The following ABLIM2 variants were observed in gnomAD, a reference collection of about 807,000 sequenced individuals.
ABLIM2 encodes actin-binding LIM protein 2.
Under a neutral mutation model 97.7 loss-of-function variants are expected in ABLIM2, and 53 were observed. The ratio of observed to expected loss-of-function variants is 0.54; its 90% confidence interval spans 0.44 to 0.68. The LOEUF (loss-of-function observed/expected upper bound fraction) is 0.68, where lower values mean the gene tolerates loss of function less well. Among genes scored for constraint, ABLIM2 ranks in the 30% least tolerant of loss-of-function variants. The pLI is 0.00. For missense variants in ABLIM2, 835 were observed against 867.2 expected (o/e 0.96, Z 0.47); for synonymous variants, 361 against 345.8 (o/e 1.04, Z -0.49).
At position 8,155,550 on chromosome 4, in the gene ABLIM2, G is replaced by A. The variant is rs1011988798; in HGVS notation, c.10+3130C>T. ...AGAAGGCTGAGCCAGCCACAAGGCC[G>A]CCCTTGGCCCCGCACCCCTGTTATG... On this transcript the variant is annotated intron_variant, in intron 1 of 20. Transcript: ENST00000447017. This position sits in a 1 kb window ranked among gnomAD's most constrained non-coding sequence, Gnocchi z 4.2. Among the ~76,000 whole-genome samples, 2 of 152,176 alleles carry A rather than the reference G, an allele frequency of 1.3e-5. No individual in the cohort carries two copies. The highest frequency in any genetic ancestry group is 4.8e-5 in the African/African-American group (2 of 41,430).
intron 16 of ABLIM2, among the ~76,000 whole-genome samples, chr4:8,000,846 T>A (rs1756660320): frequency 6.6e-6 from 1 of 152,144 alleles, no homozygotes; most frequent in Non-Finnish European, 1.5e-5. Flanking sequence ...GACAGATCTG[T>A]GATCCAGGGC....
Position 8,025,116 on chromosome 4 carries a change from C to T in ABLIM2, c.1267+2643G>A, listed in dbSNP as rs189776584. Among the ~76,000 whole-genome samples the T allele has an allele frequency of 1.6e-4, 24 of 152,178 alleles. No individual in the cohort carries two copies. In the East Asian group the frequency reaches 3.9e-3, roughly 25 times the overall value. On this transcript the variant is annotated intron_variant, in intron 12 of 20. Coordinates refer to ENST00000447017, the MANE Select transcript of ABLIM2 (RefSeq NM_001130083.2). ...CTAATTTTTGTATTTTTAGTAGAGA[C>T]GTGGTTTCACCATGTTGGCCAGGCT...
intron 20 of ABLIM2, among the ~76,000 whole-genome samples, chr4:7,982,638 G>T (rs1739632000): frequency 6.6e-6 from 1 of 152,104 alleles, no homozygotes; most frequent in African/African-American, 2.4e-5. Flanking sequence ...AGTGTGGTCG[G>T]GTGGGAAGCT....
chr4:8,097,756 T>C (rs1832477080), intron 2 of ABLIM2, among the ~76,000 whole-genome samples: 1 of 152,132 alleles, frequency 6.6e-6, no homozygotes, highest in East Asian at 1.9e-4. Flanking sequence ...GACCAGGTCC[T>C]TGTGGTCGGT....
In ABLIM2 at chr4:8,148,423, G is replaced by A. The variant is rs1429699603; in HGVS notation, c.10+10257C>T. Among the ~76,000 whole-genome samples, 4 of 152,234 alleles carry A rather than the reference G, an allele frequency of 2.6e-5. No individual in the cohort carries two copies. The highest frequency in any genetic ancestry group is 1.3e-4 in the Admixed American group (2 of 15,302). The stretch of plus-strand genomic sequence containing the variant: ...GAGGGAGCCGCTCAGGACGCGGGGG[G>A]GCCATGGCGCACCACAGTTAGGAGT... On this transcript the variant is annotated intron_variant, in intron 1 of 20. Transcript: ENST00000447017. This position sits in a 1 kb window ranked among gnomAD's most constrained non-coding sequence, Gnocchi z 6.7.
chr4:8,145,542 G>A (rs1046859529), intron 1 of ABLIM2, among the ~76,000 whole-genome samples: 2 of 152,012 alleles, frequency 1.3e-5, no homozygotes, highest in Non-Finnish European at 2.9e-5. Context: ...TCTGGTGAGC[G>A]CCGGGGGTTC....
chr4:8,002,100 T>G lies in ABLIM2; in HGVS notation c.1618+5959A>C, dbSNP rs1362013001. Among the ~76,000 whole-genome samples the G allele has an allele frequency of 1.3e-5, 2 of 152,150 alleles. No individual in the cohort carries two copies. The highest frequency in any genetic ancestry group is 2.9e-5 in the Non-Finnish European group (2 of 68,018). On this transcript the variant is annotated intron_variant, in intron 16 of 20. Transcript: ENST00000447017. The surrounding 1 kb of genome is among the most constrained non-coding windows in gnomAD (Gnocchi z 6.1). ...TCAGGACACAGCCACGTACTCACAG[T>G]TGGAGTGGCTGGGGCTACCAACTCC...
In ABLIM2 at chr4:8,120,308, G is replaced by A. The variant is rs567394447; in HGVS notation, c.11-13671C>T. Among the ~76,000 whole-genome samples, 22 of 152,292 alleles carry A rather than the reference G, an allele frequency of 1.4e-4. No homozygotes were observed. The South Asian group carries it at 4.6e-3, about 32-fold the overall frequency. Reference sequence around the variant, plus strand: ...CGGACCTCGGCAAGTGACTGTGTTCGGAGACGGGGCCTTCAAAGGTGTCGT... The same window carrying A: ...CGGACCTCGGCAAGTGACTGTGTTCAGAGACGGGGCCTTCAAAGGTGTCGT... On this transcript the variant is annotated intron_variant, in intron 1 of 20. Transcript: ENST00000447017. This position sits in a 1 kb window ranked among gnomAD's most constrained non-coding sequence, Gnocchi z 5.6.
chr4:8,091,329 ATT>A (rs1491396687), intron 3 of ABLIM2, among the ~76,000 whole-genome samples: 1 of 20,834 alleles, frequency 4.8e-5, no homozygotes, highest in Non-Finnish European at 7.7e-5. Flanking sequence ...TTATATATAT[ATT>A]ATATATATAA....
chr4:8,054,160 A>G lies in ABLIM2; in HGVS notation c.822+28T>C. ...ATGGTGCAGGAGCAGTGAAGGGTACATCAGAGACACCAGTGAATGCCACCA... is the reference window on the plus strand; with the variant it reads ...ATGGTGCAGGAGCAGTGAAGGGTACGTCAGAGACACCAGTGAATGCCACCA... On this transcript the variant is annotated intron_variant, in intron 8 of 20. Transcript: ENST00000447017. This position sits in a 1 kb window ranked among gnomAD's most constrained non-coding sequence, Gnocchi z 4.9. The G allele has an allele frequency of 6.2e-7, 1 of 1,612,806 alleles. No homozygotes were observed. The highest frequency in any genetic ancestry group is 8.5e-7 in the Non-Finnish European group (1 of 1,178,772).
In ABLIM2 at chr4:8,147,438, AAAGGGG is replaced by A; in HGVS notation, c.10+11236_10+11241del. ...CTAAAACCTGTGACATATATGGTTA[AAAGGGG>A]AGGGGTCTTTGCAGATGTGATTTAC... On this transcript the variant is annotated intron_variant, in intron 1 of 20. Transcript: ENST00000447017. This position sits in a 1 kb window ranked among gnomAD's most constrained non-coding sequence, Gnocchi z 5.3. 6.6e-6 allele frequency among the ~76,000 whole-genome samples: 1 copy of A among 152,140 alleles called. No homozygotes were observed. Among genetic ancestry groups the A allele is most frequent in the East Asian group, 1.9e-4 (1 of 5,202 alleles).
At position 8,077,559 on chromosome 4, in the gene ABLIM2, C is replaced by T. The variant is rs1299005661; in HGVS notation, c.675+69G>A. The T allele has an allele frequency of 5.0e-6, 7 of 1,390,636 alleles. No homozygotes were observed. In the East Asian group the frequency reaches 1.3e-4, roughly 25 times the overall value. 86.1% of individuals were successfully genotyped at this position (1,390,636 alleles called of 1,614,324 possible). A position where few individuals can be genotyped will look rare whatever the true frequency, so the allele number is the denominator to read the frequency against. On this transcript the variant is annotated intron_variant, in intron 6 of 20. Transcript: ENST00000447017. ...CTTGCACAAACACACACAAATCTCC[C>T]AGTCAACTCCCAGGGGGGCAGTTAG...
chr4:8,121,516 C>T (rs1435601540), intron 1 of ABLIM2, among the ~76,000 whole-genome samples: 1 of 152,210 alleles, frequency 6.6e-6, no homozygotes, highest in Non-Finnish European at 1.5e-5. Flanking sequence ...AGAGCATGTA[C>T]ACTGACTCCC....
chr4:8,106,943 G>A lies in ABLIM2; in HGVS notation c.11-306C>T, dbSNP rs79353216. Reference sequence around the variant, plus strand: ...GCTTCTCATCCACATGCACAACTGCGGCAATGAGGCCATCACCTCCCCACC... The same window carrying A: ...GCTTCTCATCCACATGCACAACTGCAGCAATGAGGCCATCACCTCCCCACC... On this transcript the variant is annotated intron_variant, in intron 1 of 20. Transcript: ENST00000447017. Among the ~76,000 whole-genome samples, 551 of 152,292 alleles carry A rather than the reference G, an allele frequency of 3.6e-3. 4 individuals carry two copies. Among genetic ancestry groups the A allele is most frequent in the Middle Eastern group, 0.017 (5 of 294 alleles).
Position 7,967,982 on chromosome 4 carries a change from A to G in ABLIM2, c.1825-879T>C, listed in dbSNP as rs531221827. The stretch of plus-strand genomic sequence containing the variant: ...TCTAGCTCTGCCTTGCAGGGCCTGC[A>G]ACCCCTACTCTCCTGCCTGTCTTCC... On this transcript the variant is annotated intron_variant, in intron 20 of 20. Coordinates refer to ENST00000447017, the MANE Select transcript of ABLIM2 (RefSeq NM_001130083.2). Among the ~76,000 whole-genome samples the G allele has an allele frequency of 6.6e-5, 10 of 152,352 alleles. No homozygotes were observed. In the South Asian group the frequency reaches 2.1e-3, roughly 32 times the overall value.
chr4:8,090,680 C>T (rs1273508136), intron 3 of ABLIM2, among the ~76,000 whole-genome samples: 1 of 152,164 alleles, frequency 6.6e-6, no homozygotes, highest in Non-Finnish European at 1.5e-5. Flanking sequence ...CTGTGATTGT[C>T]ACTGTCACCG....
In ABLIM2 at chr4:7,966,935, C is replaced by A; in HGVS notation, c.*55G>T. On this transcript the variant is annotated 3_prime_UTR_variant, in exon 21 of 21. Transcript: ENST00000447017. ...TGGGAGGGGTGTGTGCGGTTCTCGCCAGGGGCCCCTGGCCTCGGCGCCCGG... is the reference window on the plus strand; with the variant it reads ...TGGGAGGGGTGTGTGCGGTTCTCGCAAGGGGCCCCTGGCCTCGGCGCCCGG... 8.5e-7 allele frequency: 1 copy of A among 1,177,848 alleles called. No homozygotes were observed. The highest frequency in any genetic ancestry group is 1.2e-6 in the Non-Finnish European group (1 of 861,248). 73.0% of individuals were successfully genotyped at this position (1,177,848 alleles called of 1,614,324 possible).
At chr4:8,037,293 T>G (rs571105400) in intron 9 of ABLIM2, among the ~76,000 whole-genome samples, 1 of 150,944 alleles carries the variant, frequency 6.6e-6, no homozygotes, top group Non-Finnish European at 1.5e-5. Context: ...TACGCACACA[T>G]GCACACACAC....
In ABLIM2 at chr4:8,057,245, T is replaced by C. The variant is rs542116396; in HGVS notation, c.764-2999A>G. On this transcript the variant is annotated intron_variant, in intron 7 of 20. Coordinates refer to ENST00000447017, the MANE Select transcript of ABLIM2 (RefSeq NM_001130083.2). ...TTCTGAGTAGCTGGGATTACAGGCA[T>C]GCGCCACCACACCCAGTTTTAGTAG... Among the ~76,000 whole-genome samples, 380 of 152,098 alleles carry C rather than the reference T, an allele frequency of 2.5e-3. 2 individuals carry two copies. Among genetic ancestry groups the C allele is most frequent in the African/African-American group, 8.9e-3 (371 of 41,502 alleles).
Sources: allele counts gnomAD v4.1 joint callset (sites outside exome capture counted in the v4.1 genomes callset), GRCh38; gene constraint gnomAD v4.1.1; non-coding constraint Gnocchi (gnomAD v3.1); transcripts MANE v1.5; gene names NCBI Gene and HGNC (gene_info 2026-07-23, HGNC 2026-07-21).